The following UBR3 variants were observed in gnomAD, a reference collection of about 807,000 sequenced individuals.
UBR3 encodes the protein E3 ubiquitin-protein ligase UBR3.
A neutral mutation model predicts 243.2 loss-of-function variants in UBR3; 85 were observed. That is an observed-to-expected ratio of 0.35 (90% CI 0.29 to 0.42). UBR3 has a LOEUF of 0.42. Ranked by LOEUF, UBR3 falls within the 10% of genes least tolerant of loss-of-function variation. UBR3 has a pLI of 1.00. For synonymous variants in UBR3, 748 were observed against 799.8 expected (o/e 0.94, Z 1.09); for missense variants, 1,686 against 2,300.8 (o/e 0.73, Z 5.47).
chr2:169,907,921 A>G (rs369789262), intron 10 of UBR3, among the ~76,000 whole-genome samples: 9 of 151,982 alleles, frequency 5.9e-5, no homozygotes, highest in African/African-American at 1.7e-4. Flanking sequence ...ACAAGTGTGC[A>G]CCACCATGCC....
At chr2:169,922,895 G>T (rs541913505) in intron 11 of UBR3, among the ~76,000 whole-genome samples, 2 of 152,116 alleles carry the variant, frequency 1.3e-5, no homozygotes, top group Admixed American at 1.3e-4. Flanking sequence ...TTATTTCAGG[G>T]ATGGTGACAT....
intron 11 of UBR3, among the ~76,000 whole-genome samples, chr2:169,916,616 C>T (rs1421572631): frequency 6.6e-6 from 1 of 152,080 alleles, no homozygotes; most frequent in Non-Finnish European, 1.5e-5. Flanking sequence ...GCTCTGATGC[C>T]TCCTGCTCTT....
intron 30 of UBR3, among the ~76,000 whole-genome samples, chr2:170,020,839 A>C (rs2090371172): frequency 6.6e-6 from 1 of 152,190 alleles, no homozygotes; most frequent in African/African-American, 2.4e-5. Context: ...ATAGTGCATA[A>C]ATAAAAAATA....
chr2:170,041,210 T>G (rs2090960399), intron 32 of UBR3, among the ~76,000 whole-genome samples: 1 of 152,186 alleles, frequency 6.6e-6, no homozygotes. Context: ...AATACAGCAG[T>G]AAGTATGATG....
chr2:170,024,670 T>G (rs1346457230), intron 30 of UBR3, among the ~76,000 whole-genome samples: 2 of 152,146 alleles, frequency 1.3e-5, no homozygotes, highest in Non-Finnish European at 2.9e-5. Flanking sequence ...GTAGAGGGAT[T>G]TCTTAAACCT....
intron 11 of UBR3, among the ~76,000 whole-genome samples, chr2:169,919,515 G>A (rs147936369): frequency 0.043 from 6,574 of 152,288 alleles, 163 homozygotes; most frequent in Middle Eastern, 0.068. Flanking sequence ...TACGATCAGA[G>A]TGAACAGGCA....
chr2:170,048,226 G>C (rs6719688), intron 32 of UBR3, among the ~76,000 whole-genome samples: 117,298 of 151,922 alleles, frequency 0.77, 45,967 homozygotes, highest in East Asian at 0.88. Context: ...GAACTCCCCT[G>C]TCCCTCTTTG....
intron 11 of UBR3, among the ~76,000 whole-genome samples, chr2:169,918,674 G>A (rs942678601): frequency 1.3e-5 from 2 of 151,872 alleles, no homozygotes; most frequent in African/African-American, 2.4e-5. Context: ...TATAGAAACA[G>A]GAGATGGAAT....
chr2:170,072,962 T>A (rs1176121831), intron 35 of UBR3, among the ~76,000 whole-genome samples: 1 of 152,170 alleles, frequency 6.6e-6, no homozygotes, highest in East Asian at 1.9e-4. Flanking sequence ...CCCCCCTTTT[T>A]AAAACTGATT....
intron 24 of UBR3, among the ~76,000 whole-genome samples, chr2:169,961,023 G>A (rs1336208028): frequency 1.3e-5 from 2 of 151,926 alleles, no homozygotes; most frequent in African/African-American, 2.4e-5. Flanking sequence ...CCATGACTTT[G>A]TTATGTTGCC....
At position 169,857,064 on chromosome 2, in the gene UBR3, G is replaced by GTTTTTTTTTTTTTTTTTTTTT. The variant is rs770674966; in HGVS notation, c.546-15165_546-15145dup. On this transcript the variant is annotated intron_variant, in intron 1 of 38. Coordinates refer to ENST00000272793, the MANE Select transcript of UBR3 (RefSeq NM_172070.4). Reference sequence around the variant, plus strand: ...ATGATTTCCAGCATAATTTTATTATGTTTTTTTTTTTTTTTTTTTTTTTTT... The same window carrying GTTTTTTTTTTTTTTTTTTTTT: ...ATGATTTCCAGCATAATTTTATTATGTTTTTTTTTTTTTTTTTTTTTTTTTTTTTTTTTTTTTTTTTTTTTT... Among the ~76,000 whole-genome samples the GTTTTTTTTTTTTTTTTTTTTT allele has an allele frequency of 1.6e-4, 9 of 56,092 alleles. 1 individual carries two copies. Among genetic ancestry groups the GTTTTTTTTTTTTTTTTTTTTT allele is most frequent in the Admixed American group, 7.3e-4 (3 of 4,088 alleles). The allele number at this position is 56,092 out of a possible 152,430, so 36.8% of individuals were successfully genotyped here.
intron 10 of UBR3, among the ~76,000 whole-genome samples, chr2:169,907,679 C>T (rs1298585894): frequency 6.6e-6 from 1 of 152,154 alleles, no homozygotes; most frequent in Non-Finnish European, 1.5e-5. Flanking sequence ...CATCAATCTA[C>T]AGGATAACAT....
chr2:169,988,932 C>T (rs2105390255), intron 25 of UBR3, among the ~76,000 whole-genome samples: 1 of 152,236 alleles, frequency 6.6e-6, no homozygotes, highest in South Asian at 2.1e-4. Flanking sequence ...ATACTTTCCC[C>T]CTTTTACCCC....
intron 10 of UBR3, among the ~76,000 whole-genome samples, chr2:169,913,622 A>G (rs968458115): frequency 2.0e-5 from 3 of 152,010 alleles, no homozygotes; most frequent in Admixed American, 6.6e-5. Context: ...ACCACTAACT[A>G]TTTTTAGCTG....
intron 24 of UBR3, among the ~76,000 whole-genome samples, chr2:169,962,938 T>C (rs1442783488): frequency 6.6e-6 from 1 of 152,140 alleles, no homozygotes; most frequent in African/African-American, 2.4e-5. Flanking sequence ...TAATTGTCTC[T>C]AGTCTGTGTA....
intron 5 of UBR3, among the ~76,000 whole-genome samples, chr2:169,882,266 AT>A (rs1366080062): frequency 7.3e-6 from 1 of 136,950 alleles, no homozygotes; most frequent in Non-Finnish European, 1.5e-5. Context: ...ATTTATATAT[AT>A]TTGTATATCA....
chr2:170,081,106 G>A (rs2091897359), intron 38 of UBR3, among the ~76,000 whole-genome samples: 1 of 152,170 alleles, frequency 6.6e-6, no homozygotes, highest in Admixed American at 6.6e-5. Context: ...TGGAAGGATC[G>A]CTTGAGCCCA....
At chr2:169,997,642 T>G (rs2089545472) in intron 26 of UBR3, among the ~76,000 whole-genome samples, 1 of 152,046 alleles carries the variant, frequency 6.6e-6, no homozygotes, top group Admixed American at 6.6e-5. Flanking sequence ...TAGGTTCTTG[T>G]CCCACAACCA....
intron 30 of UBR3, among the ~76,000 whole-genome samples, chr2:170,019,410 G>A (rs2105414402): frequency 6.6e-6 from 1 of 152,314 alleles, no homozygotes; most frequent in Non-Finnish European, 1.5e-5. Flanking sequence ...TTAGCCAGGT[G>A]CGGTGGCTCA....
Sources: gnomAD v4.1 joint callset for allele counts (sites outside exome capture counted in the v4.1 genomes callset) on GRCh38, gnomAD v4.1.1 for gene constraint, MANE v1.5 for transcripts, NCBI Gene and HGNC (gene_info 2026-07-23, HGNC 2026-07-21) for gene names.